PTPRK: variants seen among roughly 807,000 people sequenced by gnomAD.
PTPRK encodes the protein protein tyrosine phosphatase receptor type K.
PTPRK carries 75 observed loss-of-function variants against 178.0 expected under a neutral mutation model. That is an observed-to-expected ratio of 0.42 (90% CI 0.35 to 0.51). The LOEUF (loss-of-function observed/expected upper bound fraction) is 0.51, where lower values mean the gene tolerates loss of function less well. PTPRK is among the 20% of genes least tolerant of loss of function. PTPRK has a pLI of 0.02. For missense variants in PTPRK, 1,441 were observed against 1,797.8 expected (o/e 0.80, Z 3.59); for synonymous variants, 637 against 620.6 (o/e 1.03, Z -0.39).
Position 128,278,395 on chromosome 6 carries a change from A to T in PTPRK, c.496-35793T>A, listed in dbSNP as rs13202934. Reference sequence around the variant, plus strand: ...CTGGTCTTGAAATCCCGACTTTGTGATCTGCCCACCTTGGCCTCCCAAAGT... The same window carrying T: ...CTGGTCTTGAAATCCCGACTTTGTGTTCTGCCCACCTTGGCCTCCCAAAGT... On this transcript the variant is annotated intron_variant, in intron 3 of 29. Coordinates refer to ENST00000368226, the MANE Select transcript of PTPRK (RefSeq NM_002844.4). Among the ~76,000 whole-genome samples the T allele has an allele frequency of 8.5e-5, 13 of 152,176 alleles. No individual in the cohort carries two copies. In the East Asian group the frequency reaches 1.2e-3, roughly 14 times the overall value.
intron 2 of PTPRK, among the ~76,000 whole-genome samples, chr6:128,326,311 A>G (rs1341236803): frequency 6.6e-6 from 1 of 152,128 alleles, no homozygotes; most frequent in East Asian, 1.9e-4. Flanking sequence ...AGTATATTTT[A>G]AAAAAAGAGA....
At chr6:128,025,065 C>T (rs1774088361) in intron 13 of PTPRK, among the ~76,000 whole-genome samples, 1 of 152,168 alleles carries the variant, frequency 6.6e-6, no homozygotes, top group Admixed American at 6.5e-5. Context: ...GGAATAAATT[C>T]TACAAAGCTG....
intron 7 of PTPRK, among the ~76,000 whole-genome samples, chr6:128,179,404 T>C (rs893783807): frequency 1.4e-4 from 21 of 152,022 alleles, no homozygotes; most frequent in Admixed American, 4.6e-4. Flanking sequence ...ATTTTATTCT[T>C]ACATTCCCAA....
At chr6:128,277,951 T>A (rs1328543255) in intron 3 of PTPRK, among the ~76,000 whole-genome samples, 1 of 152,120 alleles carries the variant, frequency 6.6e-6, no homozygotes, top group Non-Finnish European at 1.5e-5. Flanking sequence ...AAATATTTTT[T>A]AAATGGAATA....
chr6:127,982,745 A>C, intron 24 of PTPRK, 86 bp downstream of exon 24: 2 of 1,217,352 alleles, frequency 1.6e-6, no homozygotes, highest in Non-Finnish European at 2.3e-6. Flanking sequence ...TATAAATTTG[A>C]CTTGAAAGAC....
At chr6:128,165,257 GAAAT>G (rs1159680905) in intron 7 of PTPRK, among the ~76,000 whole-genome samples, 3 of 151,238 alleles carry the variant, frequency 2.0e-5, no homozygotes, top group African/African-American at 4.8e-5. Flanking sequence ...ATATAAAAAA[GAAAT>G]AATTTTTATT....
At chr6:128,416,509 T>C (rs866338196) in intron 1 of PTPRK, among the ~76,000 whole-genome samples, 1 of 150,668 alleles carries the variant, frequency 6.6e-6, no homozygotes, top group Non-Finnish European at 1.5e-5. Flanking sequence ...TAGCCGGGTG[T>C]GGTGGCTGGC....
chr6:128,317,610 C>A lies in PTPRK; in HGVS notation c.495+4429G>T, dbSNP rs186651944. 3.9e-3 allele frequency among the ~76,000 whole-genome samples: 594 copies of A among 152,164 alleles called. 3 individuals are homozygous for A. Among genetic ancestry groups the A allele is most frequent in the African/African-American group, 0.013 (554 of 41,530 alleles). ...GCTTTTGGCTGCACAGGAGAATAGT[C>A]ATCTAAAAATTCTTTAAATAATTTT... is the stretch of plus-strand genomic sequence containing the variant. On this transcript the variant is annotated intron_variant, in intron 3 of 29. Coordinates refer to ENST00000368226, the MANE Select transcript of PTPRK (RefSeq NM_002844.4).
At chr6:128,294,364 T>A (rs922549395) in intron 3 of PTPRK, among the ~76,000 whole-genome samples, 1 of 152,056 alleles carries the variant, frequency 6.6e-6, no homozygotes, top group Non-Finnish European at 1.5e-5. Flanking sequence ...GAATGATGCA[T>A]AAAGGAGTCC....
chr6:128,288,074 T>A (rs1189617871), intron 3 of PTPRK, among the ~76,000 whole-genome samples: 4 of 152,178 alleles, frequency 2.6e-5, no homozygotes, highest in Non-Finnish European at 5.9e-5. Context: ...TGAAGCAGAC[T>A]GTATAATTAA....
At chr6:128,099,690 T>C (rs916079235) in intron 7 of PTPRK, among the ~76,000 whole-genome samples, 68 of 152,210 alleles carry the variant, frequency 4.5e-4, no homozygotes, top group African/African-American at 1.6e-3. Flanking sequence ...AAAATGTAAG[T>C]GTCTGGTAAC....
intron 2 of PTPRK, among the ~76,000 whole-genome samples, chr6:128,352,921 TA>T (rs908224693): frequency 2.6e-5 from 4 of 152,092 alleles, no homozygotes; most frequent in African/African-American, 9.7e-5. Context: ...GTCAAAACAC[TA>T]AAAAAACTGT....
At chr6:128,483,594 T>C (rs762138615) in intron 1 of PTPRK, among the ~76,000 whole-genome samples, 3 of 152,098 alleles carry the variant, frequency 2.0e-5, no homozygotes, top group Admixed American at 6.6e-5. Context: ...AACATAGTAA[T>C]GGAACTCTAA....
chr6:128,255,798 C>G (rs1347569431), intron 3 of PTPRK, among the ~76,000 whole-genome samples: 1 of 152,212 alleles, frequency 6.6e-6, no homozygotes, highest in African/African-American at 2.4e-5. Context: ...GCAGGTGATA[C>G]TGATGCAGGC....
At chr6:128,261,566 G>A (rs1371230676) in intron 3 of PTPRK, among the ~76,000 whole-genome samples, 1 of 152,144 alleles carries the variant, frequency 6.6e-6, no homozygotes, top group Non-Finnish European at 1.5e-5. Flanking sequence ...CAGAGCTTCA[G>A]TCTAGAGCAA....
At chr6:128,254,655 T>A (rs1030458049) in intron 3 of PTPRK, among the ~76,000 whole-genome samples, 1 of 152,254 alleles carries the variant, frequency 6.6e-6, no homozygotes. Context: ...AAAGATGAAG[T>A]CTGTAAGACT....
chr6:127,998,867 A>C lies in PTPRK; in HGVS notation c.2532T>G (p.Leu844=). ...NHSATAESSR[L]LDVPRYLCEG... ...CACAGAGGTAGCGAGGTACGTCTAG[A>C]AGGCGACTGGACTCTGCTGTAGCAC... Residue 844 remains leucine (L), a synonymous_variant, in exon 16 of 30, where the codon CTT becomes CTG. Transcript: ENST00000368226. The C allele has an allele frequency of 6.3e-7, 1 of 1,595,778 alleles. No homozygotes were observed. Among genetic ancestry groups the C allele is most frequent in the South Asian group, 1.1e-5 (1 of 88,988 alleles).
chr6:128,210,171 G>T (rs750191060), intron 6 of PTPRK, among the ~76,000 whole-genome samples: 4 of 152,014 alleles, frequency 2.6e-5, no homozygotes, highest in Non-Finnish European at 2.9e-5. Context: ...GGCATTCAAA[G>T]GCTATGCAAT....
chr6:128,067,821 A>G (rs1304323183), intron 11 of PTPRK, 29 bp from the exon 12 acceptor site: 3 of 1,532,838 alleles, frequency 2.0e-6, no homozygotes, highest in East Asian at 2.3e-5. Context: ...AAGAACACAC[A>G]TATATATACA....
Sources: gnomAD v4.1 joint callset for allele counts (sites outside exome capture counted in the v4.1 genomes callset) on GRCh38, gnomAD v4.1.1 for gene constraint, MANE v1.5 for transcripts, NCBI Gene and HGNC (gene_info 2026-07-23, HGNC 2026-07-21) for gene names.